CHMP4B: variants seen among roughly 807,000 people sequenced by gnomAD.
CHMP4B encodes the protein SNF7 homolog associated with Alix 1.
A neutral mutation model predicts 25.1 loss-of-function variants in CHMP4B; 1 was observed. The observed-to-expected ratio is 0.04, with a 90% CI of 0.01 to 0.19. The LOEUF (loss-of-function observed/expected upper bound fraction) is 0.19, where lower values mean the gene tolerates loss of function less well. Ranked by LOEUF, CHMP4B falls within the 10% of genes least tolerant of loss-of-function variation. CHMP4B has a pLI of 1.00. For missense variants in CHMP4B, 151 were observed against 289.7 expected, an observed-to-expected ratio of 0.52 and a Z score of 3.48; for synonymous variants, 101 against 115.6, an observed-to-expected ratio of 0.87 and a Z score of 0.81.
intron 1 of CHMP4B, among the ~76,000 whole-genome samples, chr20:33,821,186 A>C (rs373142662): frequency 2.6e-5 from 4 of 151,890 alleles, no homozygotes; most frequent in African/African-American, 9.7e-5. Flanking sequence ...CAGGAGTTCG[A>C]GACTAGCCTG....
At chr20:33,821,758 A>AT (rs1378420451) in intron 1 of CHMP4B, among the ~76,000 whole-genome samples, 5 of 152,106 alleles carry the variant, frequency 3.3e-5, no homozygotes, top group Non-Finnish European at 5.9e-5. Context: ...CCCTATCTCT[A>AT]TTTTTTTAAA....
chr20:33,823,976 C>T (rs1277123510), intron 1 of CHMP4B, among the ~76,000 whole-genome samples: 1 of 152,136 alleles, frequency 6.6e-6, no homozygotes, highest in Non-Finnish European at 1.5e-5. Flanking sequence ...ACACCCGGCC[C>T]CAGATTGCTA....
chr20:33,822,853 G>C (rs1008919800), intron 1 of CHMP4B, among the ~76,000 whole-genome samples: 4 of 152,004 alleles, frequency 2.6e-5, no homozygotes, highest in African/African-American at 9.6e-5. Flanking sequence ...GGAGTGCAGC[G>C]GTGCGATCTT....
At chr20:33,841,434 A>G (rs2122806345) in intron 1 of CHMP4B, among the ~76,000 whole-genome samples, 1 of 152,332 alleles carries the variant, frequency 6.6e-6, no homozygotes, top group African/African-American at 2.4e-5. Flanking sequence ...TGTCAGGGAC[A>G]GCGTTCCAAG....
chr20:33,828,831 G>A (rs933718788), intron 1 of CHMP4B, among the ~76,000 whole-genome samples: 2 of 151,666 alleles, frequency 1.3e-5, no homozygotes, highest in South Asian at 2.1e-4. Context: ...ACACCTGAAT[G>A]AGTTTTTTAA....
rs916306135 is a variant in CHMP4B, at chr20:33,853,887, C to G, written c.*327C>G. Reference sequence around the variant, plus strand: ...CTGCTGAATCCTCAATGGAAAGGGTCGACTGGTTGCAGTTGAAATGACCTG... The same window carrying G: ...CTGCTGAATCCTCAATGGAAAGGGTGGACTGGTTGCAGTTGAAATGACCTG... On this transcript the variant is annotated 3_prime_UTR_variant, in exon 5 of 5. Transcript: ENST00000217402. The G allele has an allele frequency of 1.2e-5, 5 of 425,040 alleles. No homozygotes were observed. 26.3% of individuals were successfully genotyped at this position (425,040 alleles called of 1,614,324 possible).
intron 1 of CHMP4B, among the ~76,000 whole-genome samples, chr20:33,840,337 G>T (rs138925925): frequency 1.3e-5 from 2 of 152,068 alleles, no homozygotes; most frequent in East Asian, 1.9e-4. Flanking sequence ...AGAGAGGCGG[G>T]GGGGAAACAG....
chr20:33,820,131 T>A (rs1978895363), intron 1 of CHMP4B, among the ~76,000 whole-genome samples: 1 of 151,586 alleles, frequency 6.6e-6, no homozygotes, highest in South Asian at 2.1e-4. Flanking sequence ...TGAGCCAAGA[T>A]AGCACCACTG....
intron 1 of CHMP4B, among the ~76,000 whole-genome samples, chr20:33,826,070 A>AG (rs1265184312): frequency 1.3e-5 from 2 of 152,214 alleles, no homozygotes; most frequent in African/African-American, 4.8e-5. Flanking sequence ...ACCCTCCAGG[A>AG]ACTCCCTGTC....
chr20:33,830,933 G>GTTTTTTT (rs55917511), intron 1 of CHMP4B, among the ~76,000 whole-genome samples: 1 of 102,524 alleles, frequency 9.8e-6, no homozygotes, highest in Non-Finnish European at 1.9e-5. Flanking sequence ...AAGGAACAGA[G>GTTTTTTT]TTTTTTTTTT....
At chr20:33,848,774 A>T in intron 2 of CHMP4B, 130 bp downstream of exon 2, 2 of 996,240 alleles carry the variant, frequency 2.0e-6, no homozygotes, top group Non-Finnish European at 3.0e-6. Context: ...TTTAATTCTC[A>T]TTCTTTTTTG....
intron 1 of CHMP4B, among the ~76,000 whole-genome samples, chr20:33,822,579 C>G (rs1023638828): frequency 6.6e-6 from 1 of 152,182 alleles, no homozygotes; most frequent in Non-Finnish European, 1.5e-5. Flanking sequence ...CTTTGGGTGT[C>G]AAGTTGTAAT....
At chr20:33,826,245 G>A (rs971121230) in intron 1 of CHMP4B, among the ~76,000 whole-genome samples, 2 of 152,150 alleles carry the variant, frequency 1.3e-5, no homozygotes, top group Admixed American at 1.3e-4. Context: ...TTCTGAGCTG[G>A]GACTTGATGA....
intron 1 of CHMP4B, among the ~76,000 whole-genome samples, chr20:33,818,076 T>A (rs1978830914): frequency 6.6e-6 from 1 of 152,222 alleles, no homozygotes; most frequent in Admixed American, 6.5e-5. Context: ...TTGTTAGGGC[T>A]CTTATGAGGA....
At chr20:33,852,341 T>G in intron 4 of CHMP4B, 138 bp downstream of exon 4, 1 of 1,049,864 alleles carries the variant, frequency 9.5e-7, no homozygotes, top group South Asian at 1.3e-5. Context: ...TTGCCCAAGA[T>G]TGAGAACCAG....
rs1979758918 is a variant in CHMP4B at position 33,848,771 on chromosome 20, C to T, written c.368+127C>T. ...TCGAGCACCTGAGTTTGTTTTAATT[C>T]TCATTCTTTTTTGGAACTCCGAAAA... On this transcript the variant is annotated intron_variant, in intron 2 of 4. Coordinates refer to ENST00000217402, the MANE Select transcript of CHMP4B (RefSeq NM_176812.5). 3.8e-5 allele frequency: 39 copies of T among 1,017,734 alleles called. 1 individual carries two copies. In the South Asian group the frequency reaches 5.0e-4, roughly 13 times the overall value. 63.0% of individuals were successfully genotyped at this position (1,017,734 alleles called of 1,614,324 possible). A position where few individuals can be genotyped will look rare whatever the true frequency, so the allele number is the denominator to read the frequency against.
At chr20:33,825,122 C>CTG (rs1042075023) in intron 1 of CHMP4B, among the ~76,000 whole-genome samples, 1 of 152,308 alleles carries the variant, frequency 6.6e-6, no homozygotes, top group Admixed American at 6.5e-5. Context: ...ACTCAGGACT[C>CTG]TGATCAACCC....
At position 33,851,038 on chromosome 20, in the gene CHMP4B, C is replaced by G; in HGVS notation, c.455C>G (p.Pro152Arg). The stretch of plus-strand genomic sequence containing the variant: ...GAGATTTCAACAGCAATTTCGAAAC[C>G]TGTAGGGTTTGGAGAAGAGTTTGAC... ...AEEISTAISK[P>R]VGFGEEFDED... is the part of the protein sequence containing the mutation. The change falls in exon 3 of 5, where the codon CCT becomes CGT. Residue 152 changes from proline to arginine, a missense_variant. By Grantham distance (103) the Pro-to-Arg change is moderately radical. Coordinates refer to ENST00000217402, the MANE Select transcript of CHMP4B (RefSeq NM_176812.5). The G allele has an allele frequency of 6.2e-7, 1 of 1,613,186 alleles. No individual in the cohort carries two copies. The highest frequency in any genetic ancestry group is 8.5e-7 in the Non-Finnish European group (1 of 1,179,118).
chr20:33,839,387 A>G (rs2122804015), intron 1 of CHMP4B, among the ~76,000 whole-genome samples: 1 of 152,318 alleles, frequency 6.6e-6, no homozygotes, highest in South Asian at 2.1e-4. Context: ...GGTAGACGTG[A>G]GGGAAGAAGA....
Sources: allele counts gnomAD v4.1 joint callset (sites outside exome capture counted in the v4.1 genomes callset), GRCh38; gene constraint gnomAD v4.1.1; transcripts MANE v1.5; gene names NCBI Gene and HGNC (gene_info 2026-07-23, HGNC 2026-07-21).